RTN3: variants seen among roughly 807,000 people sequenced by gnomAD.
RTN3 encodes the protein reticulon-3.
RTN3 carries 49 observed loss-of-function variants against 77.8 expected under a neutral mutation model. The ratio of observed to expected loss-of-function variants is 0.63; its 90% CI spans 0.50 to 0.80. The LOEUF is 0.80. RTN3 is among the 30% of genes least tolerant of loss of function. The pLI is 0.00. For missense variants in RTN3, 1,236 were observed against 1,211.9 expected, an observed-to-expected ratio of 1.02 and a Z score of -0.29; for synonymous variants, 464 against 446.9, an observed-to-expected ratio of 1.04 and a Z score of -0.48.
intron 3 of RTN3, among the ~76,000 whole-genome samples, chr11:63,732,233 A>T (rs1450993178): frequency 6.6e-6 from 1 of 152,198 alleles, no homozygotes; most frequent in Admixed American, 6.5e-5. Flanking sequence ...ATCATAGTTC[A>T]TTGTAATCTC....
At chr11:63,709,205 T>C (rs1942633534) in intron 2 of RTN3, among the ~76,000 whole-genome samples, 1 of 152,172 alleles carries the variant, frequency 6.6e-6, no homozygotes, top group Non-Finnish European at 1.5e-5. Context: ...GAAGTTAATA[T>C]TAAAATCATG....
intron 1 of RTN3, among the ~76,000 whole-genome samples, chr11:63,694,862 G>A (rs1941857828): frequency 6.6e-6 from 1 of 152,316 alleles, no homozygotes; most frequent in East Asian, 1.9e-4. Context: ...GATTGCATAT[G>A]CATTTACTCT....
At chr11:63,738,615 G>T (rs1226139082) in intron 3 of RTN3, among the ~76,000 whole-genome samples, 1 of 141,302 alleles carries the variant, frequency 7.1e-6, no homozygotes, top group African/African-American at 2.6e-5. Flanking sequence ...CTGGGTGACA[G>T]AGTGAGACCC....
At chr11:63,708,171 C>T (rs965519071) in intron 2 of RTN3, among the ~76,000 whole-genome samples, 1 of 152,202 alleles carries the variant, frequency 6.6e-6, no homozygotes, top group South Asian at 2.1e-4. Context: ...CACTTCCACA[C>T]AGGCCTTTGA....
chr11:63,700,944 G>C (rs547081625), intron 1 of RTN3, among the ~76,000 whole-genome samples: 1 of 151,834 alleles, frequency 6.6e-6, no homozygotes, highest in Admixed American at 6.6e-5. Flanking sequence ...CAAAAAATTA[G>C]CCAGGTGTGG....
rs780651318 is a variant in RTN3, at chr11:63,719,187, T to C, written c.685T>C (p.Ser229Pro). 7 of 1,614,058 alleles carry C rather than the reference T, an allele frequency of 4.3e-6. No homozygotes were observed. The highest frequency in any genetic ancestry group is 5.9e-6 in the Non-Finnish European group (7 of 1,180,034). ...AGAAGGCATTTATACATATTCTTTG[T>C]CTCCATCCAAAGTTTCAGGAGATGA... ...KVEGIYTYSL[S>P]PSKVSGDDVI... is the part of the protein sequence containing the mutation. The change falls in exon 3 of 9, where the codon TCT becomes CCT. Residue 229 changes from serine to proline, a missense_variant. By Grantham distance (74) the Ser-to-Pro change is moderately conservative (BLOSUM62 -1). Around this residue, in one of 3 missense-constraint regions of RTN3, gnomAD observed 1,056 missense variants for 990.4 expected, o/e 1.07. Transcript: ENST00000377819.
chr11:63,693,909 C>T (rs1941796389), intron 1 of RTN3, among the ~76,000 whole-genome samples: 2 of 152,220 alleles, frequency 1.3e-5, no homozygotes, highest in South Asian at 4.1e-4. Flanking sequence ...ATTGCTTGAG[C>T]CCAGGAGTTT....
intron 2 of RTN3, among the ~76,000 whole-genome samples, chr11:63,705,205 A>G (rs1014498538): frequency 6.6e-6 from 1 of 152,180 alleles, no homozygotes; most frequent in African/African-American, 2.4e-5. Context: ...TGTGGCTCAG[A>G]GGCCAGGTGC....
intron 1 of RTN3, among the ~76,000 whole-genome samples, chr11:63,688,518 G>A (rs567037596): frequency 5.3e-5 from 8 of 152,052 alleles, no homozygotes; most frequent in Non-Finnish European, 7.4e-5. Context: ...CACCACGCCC[G>A]GCCAAGAAGT....
At chr11:63,702,719 T>C (rs1444004053) in intron 1 of RTN3, among the ~76,000 whole-genome samples, 13 of 145,198 alleles carry the variant, frequency 9.0e-5, no homozygotes, top group Middle Eastern at 7.9e-3. Flanking sequence ...GGAGTCTTGC[T>C]CTGTTGCCCA....
Position 63,720,902 on chromosome 11 carries a change from A to G in RTN3, c.2400A>G (p.Gly800=). 2 of 1,614,138 alleles carry G rather than the reference A, an allele frequency of 1.2e-6. No homozygotes were observed. Among genetic ancestry groups the G allele is most frequent in the Non-Finnish European group, 8.5e-7 (1 of 1,180,032 alleles). ...TCCTAGAACGTAATGTCAAGAATGG[A>G]TCTGATCTTGGGATTTCCCAGAAGC... ...YDILERNVKN[G]SDLGISQKPI... The change falls in exon 3 of 9, where the codon GGA becomes GGG. Residue 800 remains glycine, a synonymous_variant. Transcript: ENST00000377819.
upstream of RTN3, chr11:63,681,483 G>C (rs936614155): frequency 6.6e-6 from 5 of 762,914 alleles, no homozygotes; most frequent in Non-Finnish European, 9.4e-6. Flanking sequence ...CTCTAGCTGC[G>C]CTCGGCTGAG....
intron 7 of RTN3, among the ~76,000 whole-genome samples, chr11:63,755,884 G>A (rs1405095632): frequency 1.3e-5 from 2 of 152,006 alleles, no homozygotes; most frequent in Non-Finnish European, 2.9e-5. Flanking sequence ...GCGTGAACCC[G>A]GGAGGTGGAG....
At chr11:63,754,638 TGCAGTGA>T (rs2014269972) in intron 7 of RTN3, among the ~76,000 whole-genome samples, 1 of 144,758 alleles carries the variant, frequency 6.9e-6, no homozygotes, top group East Asian at 2.0e-4. Context: ...AGGTGGAGGT[TGCAGTGA>T]GCCGAGATTG....
chr11:63,707,812 T>C (rs974623595), intron 2 of RTN3, among the ~76,000 whole-genome samples: 1 of 152,118 alleles, frequency 6.6e-6, no homozygotes, highest in Non-Finnish European at 1.5e-5. Flanking sequence ...CACTCCAGCT[T>C]GGGCGAAAGA....
At position 63,720,722 on chromosome 11, in the gene RTN3, A is replaced by G; in HGVS notation, c.2220A>G (p.Gln740=). ...CAGTAGCATCTCTTGACTTAGAACA[A>G]GAACAGCTCACAATTAAGGCTCTTA... ...GTPVASLDLE[Q]EQLTIKALKE... is the part of the protein sequence containing the mutation. The change falls in exon 3 of 9, where the codon CAA becomes CAG. Residue 740 remains glutamine (Q), a synonymous_variant. Transcript: ENST00000377819. 6.2e-7 allele frequency: 1 copy of G among 1,614,228 alleles called. No individual in the cohort carries two copies.
chr11:63,709,721 G>A (rs1299373820), intron 2 of RTN3, among the ~76,000 whole-genome samples: 2 of 152,074 alleles, frequency 1.3e-5, no homozygotes, highest in Non-Finnish European at 2.9e-5. Context: ...TGTTTTGCAC[G>A]AATTTGTCTT....
intron 3 of RTN3, among the ~76,000 whole-genome samples, chr11:63,733,748 G>A (rs751278189): frequency 6.6e-6 from 1 of 151,564 alleles, no homozygotes; most frequent in Non-Finnish European, 1.5e-5. Flanking sequence ...TGGGCGTGGT[G>A]GCGGTGGTGG....
rs138780236 is a variant in RTN3, at chr11:63,700,608, A to ATT, written c.143-4231_143-4230dup. On this transcript the variant is annotated intron_variant, in intron 1 of 8. Transcript: ENST00000377819. The stretch of plus-strand genomic sequence containing the variant: ...CTGTTTCCCTGCCCCCATCCTTTTT[A>ATT]TTTTTTTTTTTTTGAGATGGAGTCT... 4.2e-3 allele frequency among the ~76,000 whole-genome samples: 530 copies of ATT among 126,794 alleles called. 1 individual carries two copies. The highest frequency in any genetic ancestry group is 9.7e-3 in the Middle Eastern group (2 of 206). 83.2% of individuals were successfully genotyped at this position (126,794 alleles called of 152,430 possible). A position where few individuals can be genotyped will look rare whatever the true frequency, so the allele number is the denominator to read the frequency against.
Sources: allele counts gnomAD v4.1 joint callset (sites outside exome capture counted in the v4.1 genomes callset), GRCh38; gene constraint gnomAD v4.1.1; regional missense constraint gnomAD v4.1.1; transcripts MANE v1.5; gene names NCBI Gene and HGNC (gene_info 2026-07-23, HGNC 2026-07-21).